CCDC180: variants seen among roughly 807,000 people sequenced by gnomAD.
CCDC180 encodes coiled-coil domain-containing protein 180.
CCDC180 carries 154 observed loss-of-function variants against 209.2 expected under a neutral mutation model. That is an observed-to-expected ratio of 0.74 (90% CI 0.65 to 0.84). The LOEUF is 0.84. Among genes scored for constraint, CCDC180 ranks in the 40% least tolerant of loss-of-function variants. The pLI is 0.00. For synonymous variants in CCDC180, 778 were observed against 749.1 expected (o/e 1.04, Z -0.63); for missense variants, 1,874 against 1,997.3 (o/e 0.94, Z 1.18).
intron 28 of CCDC180, among the ~76,000 whole-genome samples, chr9:97,363,251 C>T (rs911398058): frequency 1.3e-5 from 2 of 152,204 alleles, no homozygotes; most frequent in African/African-American, 4.8e-5. Context: ...ATTAGGGAAG[C>T]TGTCATTTAT....
At chr9:97,368,418 C>G (rs539708541) in intron 31 of CCDC180, among the ~76,000 whole-genome samples, 89 of 152,250 alleles carry the variant, frequency 5.8e-4, no homozygotes, top group African/African-American at 2.0e-3. Flanking sequence ...AAGGAGCAAG[C>G]CACCTATAGC....
intron 4 of CCDC180, 76 bp from the exon 5 acceptor site, chr9:97,313,160 C>T (rs1833046196): frequency 3.3e-6 from 3 of 909,762 alleles, no homozygotes; most frequent in Non-Finnish European, 5.4e-6. Flanking sequence ...CCTCAGTGTG[C>T]AGGGGCTGTC....
Position 97,308,036 on chromosome 9 carries a change from C to A in CCDC180, c.-28C>A. ...ACGCGTTTCCTGGACGACGGCTTCC[C>A]GGCAGGGGCATCCAGCCAGCGGCCA... On this transcript the variant is annotated 5_prime_UTR_variant, in exon 2 of 37. Coordinates refer to ENST00000529487, the MANE Select transcript of CCDC180 (RefSeq NM_020893.6). 2 of 1,612,766 alleles carry A rather than the reference C, an allele frequency of 1.2e-6. No homozygotes were observed. The highest frequency in any genetic ancestry group is 8.5e-7 in the Non-Finnish European group (1 of 1,179,416).
intron 30 of CCDC180, 129 bp downstream of exon 30, chr9:97,365,868 C>A: frequency 1.3e-6 from 1 of 756,772 alleles, no homozygotes; most frequent in Non-Finnish European, 2.2e-6. Context: ...CCACAGCTCC[C>A]CAGCTTCTGT....
At chr9:97,335,252 A>G (rs1825866415) in intron 18 of CCDC180, among the ~76,000 whole-genome samples, 1 of 151,972 alleles carries the variant, frequency 6.6e-6, no homozygotes, top group African/African-American at 2.4e-5. Flanking sequence ...ATATGTATAC[A>G]TGTGCCATGT....
At chr9:97,317,315 T>C in intron 9 of CCDC180, 87 bp downstream of exon 9, 1 of 1,247,652 alleles carries the variant, frequency 8.0e-7, no homozygotes, top group East Asian at 2.7e-5. Flanking sequence ...CTTTTTGCCA[T>C]TACTTAAAAA....
In CCDC180 at chr9:97,366,086, G is replaced by C. The variant is rs1299346525; in HGVS notation, c.4047+347G>C. Among the ~76,000 whole-genome samples the C allele has an allele frequency of 6.6e-6, 1 of 152,212 alleles. No individual in the cohort carries two copies. The highest frequency in any genetic ancestry group is 1.9e-4 in the East Asian group (1 of 5,190). ...AGAAAGAGGTGGGGCAGTGGGACCA[G>C]GCACCAGACAAGCTGCCCAGTGCCC... On this transcript the variant is annotated intron_variant, in intron 30 of 36. Coordinates refer to ENST00000529487, the MANE Select transcript of CCDC180 (RefSeq NM_020893.6). This position sits in a 1 kb window ranked among gnomAD's most constrained non-coding sequence, Gnocchi z 4.3.
rs934952748 is a variant in CCDC180, at chr9:97,311,995, G to A, written c.261-118G>A. ...GCTCTCTGGAATTGGGGTGTGCCTG[G>A]TCCATTGCTGCTGCCCACAGTCCCT... On this transcript the variant is annotated intron_variant, in intron 3 of 36. Transcript: ENST00000529487. 5 of 823,224 alleles carry A rather than the reference G, an allele frequency of 6.1e-6. No homozygotes were observed. The Admixed American group carries it at 9.5e-5, about 16-fold the overall frequency. 51.0% of individuals were successfully genotyped at this position (823,224 alleles called of 1,614,324 possible).
Position 97,354,933 on chromosome 9 carries a change from C to T in CCDC180, c.3189C>T (p.Asn1063=). ...ACAAGTTTGAAAGCAAATTCCATAA[C>T]CTGTCTGTGGACCTTATTTTCATAG... ...VINKFESKFH[N]LSVDLIFIEK... Residue 1063 remains asparagine, a synonymous_variant, in exon 24 of 37, where the codon AAC becomes AAT. Coordinates refer to ENST00000529487, the MANE Select transcript of CCDC180 (RefSeq NM_020893.6). 6.2e-7 allele frequency: 1 copy of T among 1,614,166 alleles called. No homozygotes were observed. The highest frequency in any genetic ancestry group is 8.5e-7 in the Non-Finnish European group (1 of 1,179,964).
intron 9 of CCDC180, 37 bp downstream of exon 9, chr9:97,317,265 C>T (rs1564148189): frequency 6.7e-6 from 10 of 1,487,188 alleles, no homozygotes; most frequent in Non-Finnish European, 9.0e-6. Flanking sequence ...TCCAGCCCAC[C>T]AGGGGGGCTG....
chr9:97,326,743 C>G (rs1163591170), intron 15 of CCDC180, 74 bp downstream of exon 15: 2 of 955,504 alleles, frequency 2.1e-6, no homozygotes, highest in East Asian at 2.4e-5. Flanking sequence ...GCAGCCTGCC[C>G]AAGAGCCCAG....
intron 22 of CCDC180, among the ~76,000 whole-genome samples, chr9:97,352,945 G>GTGTA (rs1554731866): frequency 9.6e-4 from 131 of 136,382 alleles, no homozygotes; most frequent in Middle Eastern, 3.9e-3. Context: ...ATATACGTAT[G>GTGTA]TATATATATA....
chr9:97,330,559 C>A lies in CCDC180; in HGVS notation c.2066C>A (p.Ser689Tyr), dbSNP rs1243524538. 2 of 1,614,124 alleles carry A rather than the reference C, an allele frequency of 1.2e-6. No homozygotes were observed. The highest frequency in any genetic ancestry group is 4.5e-5 in the East Asian group (2 of 44,884). Residue 689 changes from serine (S) to tyrosine (Y), a missense_variant, in exon 18 of 37, where the codon TCT becomes TAT. Physicochemically the swap from Ser to Tyr is moderately radical, Grantham distance 144. Transcript: ENST00000529487. ...HAKMDESKEG[S>Y]IQGLEEMQVE... ...AAGATGGATGAGTCCAAAGAAGGCT[C>A]TATTCAGGGACTGGAAGAAATGCAG...
chr9:97,357,576 G>C (rs1335329224), intron 24 of CCDC180, 51 bp from the exon 25 acceptor site: 6 of 1,226,170 alleles, frequency 4.9e-6, no homozygotes, highest in Non-Finnish European at 6.0e-6. Context: ...ATGTTTCCCA[G>C]ATCACAATAT....
intron 9 of CCDC180, among the ~76,000 whole-genome samples, chr9:97,317,937 T>TATAAATGCCAAACATC (rs1446790327): frequency 2.0e-5 from 3 of 152,202 alleles, no homozygotes; most frequent in Non-Finnish European, 2.9e-5. Flanking sequence ...TGGAAGCTGT[T>TATAAATGCCAAACATC]ATAAATGCCA....
chr9:97,368,434 C>A (rs1826986586), intron 31 of CCDC180, among the ~76,000 whole-genome samples: 1 of 152,150 alleles, frequency 6.6e-6, no homozygotes, highest in African/African-American at 2.4e-5. Context: ...ATAGCTGGAA[C>A]CCAACAGGGC....
intron 26 of CCDC180, among the ~76,000 whole-genome samples, chr9:97,360,528 T>C (rs1369765224): frequency 6.6e-6 from 1 of 152,092 alleles, no homozygotes. Context: ...ACATCTCCCA[T>C]GGTCCGTTCC....
chr9:97,365,305 C>T (rs1826886032), intron 29 of CCDC180: 1 of 202,502 alleles, frequency 4.9e-6, no homozygotes. Context: ...ACCTGGTGGC[C>T]TTTACAGTCT....
chr9:97,330,565 AG>A lies in CCDC180; in HGVS notation c.2075del (p.Gly692AspfsTer13). 1 of 1,614,166 alleles carries A rather than the reference AG, an allele frequency of 6.2e-7. No individual in the cohort carries two copies. Among genetic ancestry groups the A allele is most frequent in the Non-Finnish European group, 8.5e-7 (1 of 1,180,038 alleles). ...KMDESKEGSI[Q>X]GLEEMQVERE... ...GATGAGTCCAAAGAAGGCTCTATTC[AG>A]GGACTGGAAGAAATGCAGGTTGAAA... is the stretch of plus-strand genomic sequence containing the variant. On this transcript the variant is annotated frameshift_variant, in exon 18 of 37. Coordinates refer to ENST00000529487, the MANE Select transcript of CCDC180 (RefSeq NM_020893.6). LOFTEE classifies it high-confidence loss of function.
Sources: gnomAD v4.1 joint callset for allele counts (sites outside exome capture counted in the v4.1 genomes callset) on GRCh38, gnomAD v4.1.1 for gene constraint, Gnocchi (gnomAD v3.1) non-coding constraint, MANE v1.5 for transcripts, NCBI Gene and HGNC (gene_info 2026-07-23, HGNC 2026-07-21) for gene names.